B4GALT3: variants seen among roughly 807,000 people sequenced by gnomAD.
B4GALT3 encodes N-acetyllactosamine synthase.
B4GALT3 carries 29 observed loss-of-function variants against 40.7 expected under a neutral mutation model. The ratio of observed to expected loss-of-function variants is 0.71; its 90% CI spans 0.53 to 0.97. The LOEUF is 0.97. Ranked by LOEUF, B4GALT3 falls within the 50% of genes least tolerant of loss-of-function variation. The pLI, the probability that B4GALT3 is intolerant of heterozygous loss-of-function variation, is 0.00. For missense variants in B4GALT3, 390 were observed against 522.3 expected (o/e 0.75, Z 2.47); for synonymous variants, 182 against 203.9 (o/e 0.89, Z 0.92).
rs1022339994 is a variant in B4GALT3 at position 161,175,212 on chromosome 1, C to G, written c.270G>C (p.Val90=). 11 of 1,612,924 alleles carry G rather than the reference C, an allele frequency of 6.8e-6. No individual in the cohort carries two copies. In the African/African-American group the frequency reaches 1.2e-4, roughly 18 times the overall value. ...RSPLLVGPVS[V]SFSPVPSLAE... ...CCAGTGATGGCACTGGGCTAAAGGA[C>G]ACCGACACAGGACCCACTGTTGGGA... Residue 90 remains valine (V), a synonymous_variant, in exon 4 of 8, where the codon GTG becomes GTC. Transcript: ENST00000319769.
Position 161,171,454 on chromosome 1 carries a change from G to A in B4GALT3, c.*362C>T. ...AACAACTTCCCGGGAACCATAAATA[G>A]AATAAATATTCACAGAGGTCCGAGG... On this transcript the variant is annotated 3_prime_UTR_variant, in exon 8 of 8. Coordinates refer to ENST00000319769, the MANE Select transcript of B4GALT3 (RefSeq NM_003779.4). 1.7e-6 allele frequency: 1 copy of A among 603,086 alleles called. No homozygotes were observed. The highest frequency in any genetic ancestry group is 2.9e-5 in the East Asian group (1 of 33,998). The allele number at this position is 603,086 out of a possible 1,614,324, so 37.4% of individuals were successfully genotyped here.
At chr1:161,174,268 A>G (rs1041470316) in intron 4 of B4GALT3, among the ~76,000 whole-genome samples, 3 of 152,084 alleles carry the variant, frequency 2.0e-5, no homozygotes, top group Non-Finnish European at 4.4e-5. Flanking sequence ...TTAGCTGGGC[A>G]TGGTGGTACA....
chr1:161,176,846 C>T (rs1323421645), intron 1 of B4GALT3: 1 of 1,535,258 alleles, frequency 6.5e-7, no homozygotes. Context: ...TGTTTTCCCC[C>T]AGACCAAGAA....
At chr1:161,172,532 G>A (rs1661827291) in intron 6 of B4GALT3, 2 of 575,614 alleles carry the variant, frequency 3.5e-6, no homozygotes, top group Non-Finnish European at 6.0e-6. Context: ...TCAGGGCCCA[G>A]TGCCAGTCAC....
intron 2 of B4GALT3, 95 bp from the exon 3 acceptor site, chr1:161,176,169 A>G: frequency 1.5e-6 from 2 of 1,371,204 alleles, no homozygotes; most frequent in Non-Finnish European, 2.0e-6. Flanking sequence ...CCAGGGGTAA[A>G]GAGGAAAAAG....
intron 4 of B4GALT3, 61 bp downstream of exon 4, chr1:161,174,932 G>C (rs1378535980): frequency 1.3e-6 from 2 of 1,522,580 alleles, no homozygotes; most frequent in Non-Finnish European, 1.8e-6. Flanking sequence ...AAGTGAAGTG[G>C]CATGTGCTTG....
In B4GALT3 at chr1:161,171,633, G is replaced by A; in HGVS notation, c.*183C>T. 1.3e-6 allele frequency: 1 copy of A among 766,370 alleles called. No individual in the cohort carries two copies. The highest frequency in any genetic ancestry group is 2.1e-6 in the Non-Finnish European group (1 of 486,078). The allele number at this position is 766,370 out of a possible 1,614,324, so 47.5% of individuals were successfully genotyped here. ...AGCCCTACAGGAGACCCTAGAGAGAGGGACCCCTCAGGTCTACAGGAGCCC... is the reference window on the plus strand; with the variant it reads ...AGCCCTACAGGAGACCCTAGAGAGAAGGACCCCTCAGGTCTACAGGAGCCC... On this transcript the variant is annotated 3_prime_UTR_variant, in exon 8 of 8. Transcript: ENST00000319769.
intron 4 of B4GALT3, 108 bp downstream of exon 4, chr1:161,174,885 G>T: frequency 1.7e-6 from 2 of 1,197,222 alleles, no homozygotes; most frequent in African/African-American, 1.5e-5. Context: ...TAACAGTCTG[G>T]CCTTCTTAAA....
intron 1 of B4GALT3, 47 bp downstream of exon 1, chr1:161,177,376 A>G (rs1425666672): frequency 2.7e-6 from 1 of 371,240 alleles, no homozygotes; most frequent in Non-Finnish European, 5.1e-6. Flanking sequence ...CGAATGCCCA[A>G]ACCTTTATCC....
At position 161,175,943 on chromosome 1, in the gene B4GALT3, G is replaced by A. The variant is rs778878376; in HGVS notation, c.118C>T (p.Arg40Ter). ...GFRSLSALFG[R>*]DQGPTFDYSH... Reference sequence around the variant, plus strand: ...TAGTCAAATGTCGGTCCCTGATCTCGGCCAAATAGGGCACTGAGACTTCGG... The same window carrying A: ...TAGTCAAATGTCGGTCCCTGATCTCAGCCAAATAGGGCACTGAGACTTCGG... Residue 40 changes from arginine (R) to a stop codon, truncating the protein, a stop_gained, in exon 3 of 8, where the codon CGA (arginine) becomes TGA (stop). Coordinates refer to ENST00000319769, the MANE Select transcript of B4GALT3 (RefSeq NM_003779.4). LOFTEE classifies it high-confidence loss of function. 2.2e-5 allele frequency: 35 copies of A among 1,614,002 alleles called. No individual in the cohort carries two copies. Among genetic ancestry groups the A allele is most frequent in the East Asian group, 4.5e-5 (2 of 44,888 alleles).
chr1:161,176,527 C>G lies in B4GALT3; in HGVS notation c.-108G>C. ...GCATTATCTAAAATTGGAAATGTCA[C>G]AGAGGGCAGAGAAAGGCTCCATCCA... On this transcript the variant is annotated 5_prime_UTR_variant, in exon 2 of 8. Coordinates refer to ENST00000319769, the MANE Select transcript of B4GALT3 (RefSeq NM_003779.4). The G allele has an allele frequency of 2.4e-6, 1 of 415,290 alleles. No homozygotes were observed. The highest frequency in any genetic ancestry group is 3.0e-5 in the South Asian group (1 of 32,932). The allele number at this position is 415,290 out of a possible 1,614,324, so 25.7% of individuals were successfully genotyped here.
chr1:161,172,595 C>A (rs1259430985), intron 6 of B4GALT3, among the ~76,000 whole-genome samples: 1 of 152,116 alleles, frequency 6.6e-6, no homozygotes, highest in Non-Finnish European at 1.5e-5. Flanking sequence ...CTAAAGGGCT[C>A]CTAGGAGCTG....
chr1:161,174,630 A>G lies in B4GALT3; in HGVS notation c.489+363T>C, dbSNP rs1198399440. On this transcript the variant is annotated intron_variant, in intron 4 of 7. Coordinates refer to ENST00000319769, the MANE Select transcript of B4GALT3 (RefSeq NM_003779.4). ...AATGGTGTGGTGTGGAACAGATGGT[A>G]TATTAGTTATCTTATGCTCTTTCCT... Among the ~76,000 whole-genome samples the G allele has an allele frequency of 3.3e-5, 5 of 152,198 alleles. 1 individual carries two copies. The highest frequency in any genetic ancestry group is 1.3e-4 in the Admixed American group (2 of 15,274).
chr1:161,173,520 T>A, intron 6 of B4GALT3, 85 bp downstream of exon 6: 1 of 1,588,862 alleles, frequency 6.3e-7, no homozygotes, highest in Non-Finnish European at 8.6e-7. Flanking sequence ...TAAAGGTTAG[T>A]GTTGAAGGGC....
chr1:161,173,008 T>C (rs1435782356), intron 6 of B4GALT3, among the ~76,000 whole-genome samples: 4 of 152,164 alleles, frequency 2.6e-5, no homozygotes, highest in Admixed American at 6.5e-5. Context: ...AGAATACTTA[T>C]GTATATTTAC....
chr1:161,174,098 G>A lies in B4GALT3; in HGVS notation c.490-49C>T, dbSNP rs193057965. On this transcript the variant is annotated intron_variant, in intron 4 of 7. Transcript: ENST00000319769. ...AGACTATGTCTGTAGGTGGCACGGA[G>A]AAAAGGGGGCTAAAGAATAAAAGTG... is the stretch of plus-strand genomic sequence containing the variant. 5.1e-6 allele frequency: 8 copies of A among 1,580,360 alleles called. No homozygotes were observed. In the East Asian group the frequency reaches 1.1e-4, roughly 22 times the overall value.
chr1:161,175,476 G>C (rs1324859636), intron 3 of B4GALT3, among the ~76,000 whole-genome samples: 1 of 152,044 alleles, frequency 6.6e-6, no homozygotes, highest in Non-Finnish European at 1.5e-5. Context: ...TGTCTTACAG[G>C]GTTGGAAGCT....
Position 161,171,656 on chromosome 1 carries a change from C to T in B4GALT3, c.*160G>A, listed in dbSNP as rs987716260. The T allele has an allele frequency of 4.9e-6, 5 of 1,030,424 alleles. No homozygotes were observed. Among genetic ancestry groups the T allele is most frequent in the Non-Finnish European group, 6.9e-6 (5 of 720,296 alleles). 63.8% of individuals were successfully genotyped at this position (1,030,424 alleles called of 1,614,324 possible). A position where few individuals can be genotyped will look rare whatever the true frequency, so the allele number is the denominator to read the frequency against. On this transcript the variant is annotated 3_prime_UTR_variant, in exon 8 of 8. Transcript: ENST00000319769. ...GAGGGACCCCTCAGGTCTACAGGAG[C>T]CCAGCTCCAGTCCAGCAGTGAGGGA...
intron 6 of B4GALT3, 40 bp from the exon 7 acceptor site, chr1:161,172,371 G>C (rs755467809): frequency 1.3e-6 from 2 of 1,559,258 alleles, no homozygotes; most frequent in Non-Finnish European, 1.8e-6. Flanking sequence ...ATCCAGAGTA[G>C]AGAAAAGCAA....
Sources: allele counts gnomAD v4.1 joint callset (sites outside exome capture counted in the v4.1 genomes callset), GRCh38; gene constraint gnomAD v4.1.1; transcripts MANE v1.5; gene names NCBI Gene and HGNC (gene_info 2026-07-23, HGNC 2026-07-21).